Variants in SETMAR observed in about 807,000 individuals in gnomAD.
The protein encoded by SETMAR is SET and mariner transposase domain methyltransferase, also known as histone-lysine N-methyltransferase SETMAR.
A neutral mutation model predicts 58.4 loss-of-function variants in SETMAR; 44 were observed. The observed-to-expected ratio is 0.75, with a 90% CI of 0.59 to 0.97. The LOEUF (loss-of-function observed/expected upper bound fraction) is 0.97, where lower values mean the gene tolerates loss of function less well. Ranked by LOEUF, SETMAR falls within the 50% of genes least tolerant of loss-of-function variation. SETMAR has a pLI of 0.00. For synonymous variants in SETMAR, 332 were observed against 307.4 expected, an observed-to-expected ratio of 1.08 and a Z score of -0.84; for missense variants, 903 against 840.2, an observed-to-expected ratio of 1.07 and a Z score of -0.92.
chr3:4,303,903 A>T, intron 1 of SETMAR: 1 of 1,233,046 alleles, frequency 8.1e-7, no homozygotes, highest in Non-Finnish European at 1.0e-6. Flanking sequence ...AATGGATCGC[A>T]GCCGGTGTCG....
At chr3:4,303,989 T>C in intron 1 of SETMAR, 1 of 553,960 alleles carries the variant, frequency 1.8e-6, no homozygotes, top group Non-Finnish European at 2.7e-6. Context: ...GAGTGTAAAT[T>C]AGCTGTGGCT....
chr3:4,303,773 T>G (rs1227656283), intron 1 of SETMAR: 73 of 1,451,996 alleles, frequency 5.0e-5, no homozygotes, highest in Non-Finnish European at 6.6e-5. Context: ...GGAGGCCTTG[T>G]GAGAACCTGG....
intron 1 of SETMAR, among the ~76,000 whole-genome samples, chr3:4,305,577 C>CA (rs1698159014): frequency 6.6e-6 from 1 of 152,174 alleles, no homozygotes; most frequent in Non-Finnish European, 1.5e-5. Flanking sequence ...CCACAAGAGA[C>CA]AACCCTCCAG....
intron 1 of SETMAR, 22 bp from the exon 2 acceptor site, chr3:4,312,876 A>T (rs1307135479): frequency 6.3e-7 from 1 of 1,589,122 alleles, no homozygotes; most frequent in Non-Finnish European, 8.6e-7. Flanking sequence ...GTGCTGACTT[A>T]CAGTGTGTAT....
At chr3:4,307,228 AAT>A (rs1396498753) in intron 1 of SETMAR, among the ~76,000 whole-genome samples, 4 of 152,206 alleles carry the variant, frequency 2.6e-5, no homozygotes, top group African/African-American at 7.2e-5. Context: ...TTCAGTACGG[AAT>A]GTGATTCAGA....
chr3:4,310,758 A>G (rs1698373864), intron 1 of SETMAR, among the ~76,000 whole-genome samples: 1 of 152,184 alleles, frequency 6.6e-6, no homozygotes, highest in Admixed American at 6.5e-5. Flanking sequence ...GTTGATTTTA[A>G]AAGAAGTTAT....
Position 4,307,067 on chromosome 3 carries a change from A to T in SETMAR, c.156+3541A>T, listed in dbSNP as rs1184271822. Among the ~76,000 whole-genome samples, 4 of 152,222 alleles carry T rather than the reference A, an allele frequency of 2.6e-5. No homozygotes were observed. The East Asian group carries it at 7.7e-4, about 29-fold the overall frequency. The stretch of plus-strand genomic sequence containing the variant: ...AGCTGCTTGGAGGAAAAACAAACTT[A>T]TGAGGCTAGAGGCCAAGTACAAAGA... On this transcript the variant is annotated intron_variant, in intron 1 of 2. Coordinates refer to ENST00000358065, the MANE Select transcript of SETMAR (RefSeq NM_006515.4).
rs531892869 is a variant in SETMAR at position 4,307,256 on chromosome 3, G to A, written c.156+3730G>A. On this transcript the variant is annotated intron_variant, in intron 1 of 2. Transcript: ENST00000358065. ...GTGATTCAGAAAAGTCAAACTTCTC[G>A]TTAACAAGTATCAAGAGCTGCAATC... 2.0e-5 allele frequency among the ~76,000 whole-genome samples: 3 copies of A among 152,258 alleles called. No homozygotes were observed. In the South Asian group the frequency reaches 6.2e-4, roughly 32 times the overall value.
At chr3:4,312,523 A>G (rs1698446835) in intron 1 of SETMAR, among the ~76,000 whole-genome samples, 1 of 152,062 alleles carries the variant, frequency 6.6e-6, no homozygotes, top group African/African-American at 2.4e-5. Context: ...TCATCCTTAT[A>G]CATACCTAAA....
chr3:4,310,350 T>A (rs559447788), intron 1 of SETMAR, among the ~76,000 whole-genome samples: 3 of 152,338 alleles, frequency 2.0e-5, no homozygotes, highest in South Asian at 4.1e-4. Flanking sequence ...ACTAAAAGTT[T>A]TCAAAAGATT....
intron 1 of SETMAR, chr3:4,303,812 C>A (rs1559211192): frequency 2.2e-6 from 3 of 1,389,134 alleles, no homozygotes; most frequent in Non-Finnish European, 2.9e-6. Context: ...CCTCAGAACT[C>A]AAGGAGGCAT....
chr3:4,316,941 ATTC>A lies in SETMAR; in HGVS notation c.1755_1757del (p.Leu586del), dbSNP rs1239247114. On this transcript the variant is annotated inframe_deletion, in exon 3 of 3. Transcript: ENST00000358065. ...GGCATTGGTCAACAGAAAGGGCCCAATTCTTCTCCACGACAATGCCCGACCGCA... is the reference window on the plus strand; with the variant it reads ...GGCATTGGTCAACAGAAAGGGCCCAATTCTCCACGACAATGCCCGACCGCA... 6 of 1,549,250 alleles carry A rather than the reference ATTC, an allele frequency of 3.9e-6. No individual in the cohort carries two copies. The highest frequency in any genetic ancestry group is 2.7e-5 in the African/African-American group (2 of 72,938).
chr3:4,304,587 G>A (rs1018787690), intron 1 of SETMAR, among the ~76,000 whole-genome samples: 1 of 152,186 alleles, frequency 6.6e-6, no homozygotes, highest in Non-Finnish European at 1.5e-5. Context: ...ACTTCCCAGA[G>A]CCTGAGTTTC....
chr3:4,309,014 A>C (rs1281178852), intron 1 of SETMAR, among the ~76,000 whole-genome samples: 2 of 152,214 alleles, frequency 1.3e-5, no homozygotes, highest in African/African-American at 4.8e-5. Flanking sequence ...TGTAAAACGT[A>C]CATTGGTTCA....
intron 2 of SETMAR, among the ~76,000 whole-genome samples, chr3:4,314,617 T>A (rs965334316): frequency 6.6e-6 from 1 of 152,200 alleles, no homozygotes; most frequent in African/African-American, 2.4e-5. Context: ...TGTGAAGTTA[T>A]GCTTCAAAAC....
chr3:4,303,536 G>T lies in SETMAR; in HGVS notation c.156+10G>T. ...GCCGGCGCCCTTCCAGGTAGGGGCGGGGCCAGGCGGCGCGGGAGGCGGGCG... is the reference window on the plus strand; with the variant it reads ...GCCGGCGCCCTTCCAGGTAGGGGCGTGGCCAGGCGGCGCGGGAGGCGGGCG... On this transcript the variant is annotated intron_variant, in intron 1 of 2. Coordinates refer to ENST00000358065, the MANE Select transcript of SETMAR (RefSeq NM_006515.4). The T allele has an allele frequency of 7.3e-7, 1 of 1,372,786 alleles. No homozygotes were observed. Among genetic ancestry groups the T allele is most frequent in the Non-Finnish European group, 9.4e-7 (1 of 1,066,634 alleles). The allele number at this position is 1,372,786 out of a possible 1,614,324, so 85.0% of individuals were successfully genotyped here.
Position 4,316,858 on chromosome 3 carries a change from C to T in SETMAR, c.1667C>T (p.Ser556Phe). 6.5e-7 allele frequency: 1 copy of T among 1,549,794 alleles called. No homozygotes were observed. The highest frequency in any genetic ancestry group is 8.7e-7 in the Non-Finnish European group (1 of 1,146,740). ...SFLNPGETIT[S>F]EKYAQEIDEM... ...CTGAATCCCGGTGAAACCATTACAT[C>T]TGAGAAGTATGCTCAGGAAATCGAT... is the stretch of plus-strand genomic sequence containing the variant. Residue 556 changes from serine (S) to phenylalanine (F), a missense_variant, in exon 3 of 3, where the codon TCT becomes TTT. Transcript: ENST00000358065.
rs779901513 is a variant in SETMAR, at chr3:4,313,844, A to G, written c.1020+83A>G. The G allele has an allele frequency of 7.8e-5, 123 of 1,584,244 alleles. No individual in the cohort carries two copies. In the Admixed American group the frequency reaches 1.1e-3, roughly 14 times the overall value. On this transcript the variant is annotated intron_variant, in intron 2 of 2. Transcript: ENST00000358065. ...GCTAGCTTTACCTCTGCCTAGTTAC[A>G]TAAGTTTAACTCAGGAATGTGGCAG...
intron 1 of SETMAR, among the ~76,000 whole-genome samples, chr3:4,306,241 C>T (rs754457715): frequency 2.0e-5 from 3 of 151,988 alleles, no homozygotes; most frequent in Non-Finnish European, 4.4e-5. Context: ...AAACTATGTG[C>T]CCGACGTATT....
Sources: allele counts gnomAD v4.1 joint callset (sites outside exome capture counted in the v4.1 genomes callset), GRCh38; gene constraint gnomAD v4.1.1; transcripts MANE v1.5; gene names NCBI Gene and HGNC (gene_info 2026-07-23, HGNC 2026-07-21).